Variants in EFCAB13 observed in about 807,000 individuals in gnomAD.
EFCAB13 encodes the protein EF-hand calcium binding domain 13.
A neutral mutation model predicts 110.2 loss-of-function variants in EFCAB13; 91 were observed. The ratio of observed to expected loss-of-function variants is 0.83; its 90% CI spans 0.70 to 0.98. The LOEUF (loss-of-function observed/expected upper bound fraction) is 0.98, where lower values mean the gene tolerates loss of function less well. Among genes scored for constraint, EFCAB13 ranks in the 50% least tolerant of loss-of-function variants. EFCAB13 has a pLI of 0.00. For synonymous variants in EFCAB13, 323 were observed against 369.9 expected, an observed-to-expected ratio of 0.87 and a Z score of 1.45; for missense variants, 968 against 1,119.4, an observed-to-expected ratio of 0.86 and a Z score of 1.93.
At chr17:47,373,148 A>G (rs1462778051) in intron 11 of EFCAB13, among the ~76,000 whole-genome samples, 1 of 152,058 alleles carries the variant, frequency 6.6e-6, no homozygotes, top group African/African-American at 2.4e-5. Flanking sequence ...TATATTTTCA[A>G]ATAACTTGTT....
Position 47,379,217 on chromosome 17 carries a change from G to C in EFCAB13, c.1546G>C (p.Ala516Pro), listed in dbSNP as rs1337169903. ...GMVELDDFVN[A>P]LAKERSFPEC... ...GGTGGAGTTAGATGACTTTGTAAAT[G>C]CTCTCGCCAAGGAGCGAAGTTTTCC... The change falls in exon 14 of 25, where the codon GCT becomes CCT. Residue 516 changes from alanine (A) to proline (P), a missense_variant. By Grantham distance (27) the Ala-to-Pro change is conservative (BLOSUM62 -1). Coordinates refer to ENST00000331493, the MANE Select transcript of EFCAB13 (RefSeq NM_152347.5). The C allele has an allele frequency of 6.2e-7, 1 of 1,613,516 alleles. No homozygotes were observed.
intron 5 of EFCAB13, among the ~76,000 whole-genome samples, chr17:47,337,677 C>G (rs1003747724): frequency 5.3e-5 from 8 of 151,892 alleles, no homozygotes; most frequent in Admixed American, 1.3e-4. Flanking sequence ...AGGACTGCAG[C>G]CTGGGAAACA....
intron 12 of EFCAB13, among the ~76,000 whole-genome samples, chr17:47,376,230 G>A (rs1334789511): frequency 1.3e-5 from 2 of 152,144 alleles, no homozygotes; most frequent in East Asian, 1.9e-4. Context: ...TATTAAGGAG[G>A]CACAGTGATT....
At chr17:47,372,964 C>G (rs552704787) in intron 11 of EFCAB13, among the ~76,000 whole-genome samples, 24 of 151,984 alleles carry the variant, frequency 1.6e-4, no homozygotes. Flanking sequence ...ATATATTTGC[C>G]CAAATTTGGA....
chr17:47,393,101 T>TAA (rs113866826), intron 15 of EFCAB13, among the ~76,000 whole-genome samples: 3 of 148,708 alleles, frequency 2.0e-5, no homozygotes, highest in East Asian at 2.0e-4. Context: ...ATGAGATACT[T>TAA]AAAAAAAAAA....
At chr17:47,374,424 T>C in intron 11 of EFCAB13, 48 bp from the exon 12 acceptor site, 1 of 1,364,152 alleles carries the variant, frequency 7.3e-7, no homozygotes. Flanking sequence ...TGAAATGTAT[T>C]GCAAATTATA....
At chr17:47,340,822 T>C (rs936796756) in intron 5 of EFCAB13, among the ~76,000 whole-genome samples, 1 of 141,554 alleles carries the variant, frequency 7.1e-6, no homozygotes, top group African/African-American at 2.7e-5. Context: ...CATCATATTG[T>C]CCAGGCTAGT....
At chr17:47,379,507 G>A (rs957069729) in intron 14 of EFCAB13, among the ~76,000 whole-genome samples, 6 of 151,806 alleles carry the variant, frequency 4.0e-5, no homozygotes, top group East Asian at 3.8e-4. Context: ...ATGATAATGC[G>A]GAGATCAAAT....
chr17:47,391,369 C>A, intron 14 of EFCAB13, 68 bp from the exon 15 acceptor site: 2 of 1,236,194 alleles, frequency 1.6e-6, no homozygotes, highest in Non-Finnish European at 2.2e-6. Flanking sequence ...AACTAAAATT[C>A]ATCTTGTTAG....
At chr17:47,398,145 G>C (rs555598659) in intron 17 of EFCAB13, among the ~76,000 whole-genome samples, 1 of 146,362 alleles carries the variant, frequency 6.8e-6, no homozygotes. Flanking sequence ...CAGCCACCCC[G>C]TCTGGGAGGT....
At position 47,379,249 on chromosome 17, in the gene EFCAB13, C is replaced by T. The variant is rs1472236442; in HGVS notation, c.1578C>T (p.Cys526=). The change falls in exon 14 of 25, where the codon TGC becomes TGT. Residue 526 remains cysteine (C), a synonymous_variant. Transcript: ENST00000331493. ...ALAKERSFPE[C]NALPGVIKAI... ...CCAAGGAGCGAAGTTTTCCTGAATGCAATGGTAGGTAGGAAATTTGTTTTA... is the reference window on the plus strand; with the variant it reads ...CCAAGGAGCGAAGTTTTCCTGAATGTAATGGTAGGTAGGAAATTTGTTTTA... 1.2e-6 allele frequency: 2 copies of T among 1,611,100 alleles called. No individual in the cohort carries two copies. The highest frequency in any genetic ancestry group is 3.3e-5 in the Admixed American group (2 of 60,002).
intron 9 of EFCAB13, among the ~76,000 whole-genome samples, chr17:47,349,147 C>T (rs1009533272): frequency 6.6e-6 from 1 of 152,184 alleles, no homozygotes; most frequent in African/African-American, 2.4e-5. Context: ...GAAAGTGCTT[C>T]TGTGGTATGG....
At chr17:47,383,410 G>GGCATTTAGTGCTATAAATTTCC in intron 14 of EFCAB13, among the ~76,000 whole-genome samples, 1 of 152,220 alleles carries the variant, frequency 6.6e-6, no homozygotes, top group South Asian at 2.1e-4. Flanking sequence ...TTCTCCTGTG[G>GGCATTTAGTGCTATAAATTTCC]GCATTTAGTG....
chr17:47,386,410 C>T (rs1346804138), intron 14 of EFCAB13, among the ~76,000 whole-genome samples: 2 of 152,162 alleles, frequency 1.3e-5, no homozygotes, highest in African/African-American at 4.8e-5. Flanking sequence ...TGAGCTCCAC[C>T]CAGTCCGAAC....
chr17:47,335,163 G>A (rs761758888), intron 4 of EFCAB13, 33 bp from the exon 5 acceptor site: 2 of 1,558,082 alleles, frequency 1.3e-6, no homozygotes, highest in East Asian at 2.3e-5. Flanking sequence ...GTGCAAAGAG[G>A]ACATGCTTGA....
chr17:47,420,705 G>A (rs1239496764), intron 23 of EFCAB13, among the ~76,000 whole-genome samples: 8 of 150,810 alleles, frequency 5.3e-5, no homozygotes, highest in Middle Eastern at 3.5e-3. Flanking sequence ...GAGACCCTCC[G>A]CCCGGCAGCC....
chr17:47,355,466 A>C (rs565565298), intron 9 of EFCAB13, among the ~76,000 whole-genome samples: 1 of 152,232 alleles, frequency 6.6e-6, no homozygotes, highest in African/African-American at 2.4e-5. Context: ...ATTCCCTCAA[A>C]TATGTTTTAA....
intron 5 of EFCAB13, among the ~76,000 whole-genome samples, chr17:47,338,110 T>A (rs1033258480): frequency 2.0e-5 from 3 of 152,138 alleles, no homozygotes; most frequent in African/African-American, 7.2e-5. Context: ...GGAGTGGAAG[T>A]CATGATTATA....
At position 47,351,808 on chromosome 17, in the gene EFCAB13, T is replaced by G. The variant is rs577668252; in HGVS notation, c.661+3857T>G. 2.3e-4 allele frequency among the ~76,000 whole-genome samples: 35 copies of G among 152,248 alleles called. No homozygotes were observed. The East Asian group carries it at 2.9e-3, about 13-fold the overall frequency. On this transcript the variant is annotated intron_variant, in intron 9 of 24. Coordinates refer to ENST00000331493, the MANE Select transcript of EFCAB13 (RefSeq NM_152347.5). ...AGTTTAGTTGTCTCATTTGTCTTTT[T>G]TTGTTGTTGTTGCTTGTGCTTTCGA...
Sources: gnomAD v4.1 joint callset for allele counts (sites outside exome capture counted in the v4.1 genomes callset) on GRCh38, gnomAD v4.1.1 for gene constraint, MANE v1.5 for transcripts, NCBI Gene and HGNC (gene_info 2026-07-23, HGNC 2026-07-21) for gene names.